Variants in TRAPPC6A observed in about 807,000 individuals in gnomAD.
TRAPPC6A encodes the protein trafficking protein particle complex subunit 6A.
Under a neutral mutation model 20.8 loss-of-function variants are expected in TRAPPC6A, and 25 were observed. The ratio of observed to expected loss-of-function variants is 1.20; its 90% confidence interval spans 0.88 to 1.68. The LOEUF is 1.68. Ranked by LOEUF, TRAPPC6A falls within the 40% of genes most tolerant of loss-of-function variation. TRAPPC6A has a pLI of 0.00. For synonymous variants in TRAPPC6A, 96 were observed against 93.3 expected (o/e 1.03, Z -0.16); for missense variants, 215 against 211.6 (o/e 1.02, Z -0.10).
chr19:45,165,142 T>C lies in TRAPPC6A; in HGVS notation c.137A>G (p.Gln46Arg). 6.2e-7 allele frequency: 1 copy of C among 1,611,466 alleles called. No homozygotes were observed. The highest frequency in any genetic ancestry group is 8.5e-7 in the Non-Finnish European group (1 of 1,178,928). ...CCGCGCTCACCTCTCGCCTAGAGCC[T>C]GGCCCACACGGAACCCCATACCCTC... is the stretch of plus-strand genomic sequence containing the variant. Reference protein sequence around the residue: ...VLEGMGFRVGQALGERLPRET... With the variant: ...VLEGMGFRVGRALGERLPRET... The change falls in exon 2 of 6, where the codon CAG becomes CGG. Residue 46 changes from glutamine (Q) to arginine (R), a missense_variant. Physicochemically the swap from Gln to Arg is conservative, Grantham distance 43. Transcript: ENST00000585934.
intron 1 of TRAPPC6A, among the ~76,000 whole-genome samples, chr19:45,165,708 G>A (rs73564235): frequency 0.014 from 2,187 of 152,298 alleles, 62 homozygotes; most frequent in African/African-American, 0.047. Flanking sequence ...TGGGGAACAC[G>A]TGGAAGCTCG....
At chr19:45,176,182 C>A (rs910101331) in intron 1 of TRAPPC6A, among the ~76,000 whole-genome samples, 1 of 151,976 alleles carries the variant, frequency 6.6e-6, no homozygotes, top group African/African-American at 2.4e-5. Flanking sequence ...CTTGGCCAGG[C>A]ACAGTGGCTC....
At chr19:45,171,521 G>GGAT (rs1325347190) in intron 1 of TRAPPC6A, among the ~76,000 whole-genome samples, 3 of 152,156 alleles carry the variant, frequency 2.0e-5, no homozygotes, top group Non-Finnish European at 4.4e-5. Context: ...CACACAGGAA[G>GGAT]GATCAATCAG....
intron 1 of TRAPPC6A, among the ~76,000 whole-genome samples, chr19:45,169,851 T>G (rs1346640907): frequency 2.6e-5 from 4 of 152,214 alleles, no homozygotes; most frequent in Non-Finnish European, 5.9e-5. Flanking sequence ...CAGGCTGCAC[T>G]CTGGTGGAAC....
At chr19:45,166,816 C>T (rs1969163953) in intron 1 of TRAPPC6A, among the ~76,000 whole-genome samples, 1 of 152,126 alleles carries the variant, frequency 6.6e-6, no homozygotes, top group Admixed American at 6.5e-5. Flanking sequence ...CTACCGCCTC[C>T]TCCCTCCAGG....
At chr19:45,164,099 T>G (rs572032409) in intron 4 of TRAPPC6A, 65 bp downstream of exon 4, 3 of 1,549,782 alleles carry the variant, frequency 1.9e-6, no homozygotes, top group African/African-American at 2.7e-5. Flanking sequence ...AAAGGCCTGA[T>G]GTGGGATGGG....
intron 1 of TRAPPC6A, among the ~76,000 whole-genome samples, chr19:45,170,015 G>A (rs549902889): frequency 2.0e-5 from 3 of 152,204 alleles, no homozygotes; most frequent in Non-Finnish European, 4.4e-5. Flanking sequence ...GAAGGGCTGG[G>A]AGACTGAGTG....
chr19:45,172,048 A>G lies in TRAPPC6A; in HGVS notation c.84+6087T>C, dbSNP rs543989126. On this transcript the variant is annotated intron_variant, in intron 1 of 5. Coordinates refer to ENST00000585934, the MANE Select transcript of TRAPPC6A (RefSeq NM_001270891.2). This position sits in a 1 kb window ranked among gnomAD's most constrained non-coding sequence, Gnocchi z 4.2. Reference sequence around the variant, plus strand: ...TCCTCCAAGGGCTTCTCCTCCTTAGAGAACAAAGGCCTTCCTGGCCCCTCT... The same window carrying G: ...TCCTCCAAGGGCTTCTCCTCCTTAGGGAACAAAGGCCTTCCTGGCCCCTCT... 6.6e-6 allele frequency among the ~76,000 whole-genome samples: 1 copy of G among 151,968 alleles called. No homozygotes were observed. Among genetic ancestry groups the G allele is most frequent in the Non-Finnish European group, 1.5e-5 (1 of 67,924 alleles).
intron 1 of TRAPPC6A, among the ~76,000 whole-genome samples, chr19:45,174,222 CT>C (rs1256144423): frequency 1.3e-5 from 2 of 152,136 alleles, no homozygotes; most frequent in Non-Finnish European, 2.9e-5. Context: ...GCCAACCTCT[CT>C]GGGTCATCAG....
chr19:45,177,188 C>T (rs921203738), intron 1 of TRAPPC6A, among the ~76,000 whole-genome samples: 13 of 112,818 alleles, frequency 1.2e-4, no homozygotes, highest in African/African-American at 4.0e-4. Context: ...GATGCGCGTG[C>T]GCGCACACAC....
intron 2 of TRAPPC6A, 24 bp from the exon 3 acceptor site, chr19:45,164,994 G>T (rs762906987): frequency 1.2e-6 from 2 of 1,612,596 alleles, no homozygotes; most frequent in East Asian, 4.5e-5. Context: ...ACCAAGCTGA[G>T]GCCGTGGGGC....
chr19:45,165,841 G>T (rs1353304230), intron 1 of TRAPPC6A, among the ~76,000 whole-genome samples: 3 of 152,164 alleles, frequency 2.0e-5, no homozygotes, highest in Admixed American at 6.5e-5. Context: ...CAGGTAGGAG[G>T]GCTGCACTCG....
intron 1 of TRAPPC6A, among the ~76,000 whole-genome samples, chr19:45,176,602 G>C (rs564479380): frequency 1.0e-3 from 153 of 152,326 alleles, no homozygotes; most frequent in African/African-American, 3.6e-3. Context: ...ACAGGTGCAA[G>C]TCGCCACATC....
At chr19:45,177,133 C>G (rs1274585152) in intron 1 of TRAPPC6A, among the ~76,000 whole-genome samples, 1 of 152,050 alleles carries the variant, frequency 6.6e-6, no homozygotes, top group Non-Finnish European at 1.5e-5. Flanking sequence ...AGCAGTGAGC[C>G]ATGACTGCAT....
chr19:45,176,142 G>A (rs983438948), intron 1 of TRAPPC6A, among the ~76,000 whole-genome samples: 1 of 152,006 alleles, frequency 6.6e-6, no homozygotes, highest in East Asian at 1.9e-4. Context: ...ATAGGCATGT[G>A]TCATCACGCC....
chr19:45,175,283 C>T (rs1230333564), intron 1 of TRAPPC6A, among the ~76,000 whole-genome samples: 21 of 142,708 alleles, frequency 1.5e-4, no homozygotes, highest in Admixed American at 3.6e-4. Flanking sequence ...AAAAATTAGC[C>T]GGGTGTGGTG....
rs1184831142 is a variant in TRAPPC6A, at chr19:45,163,428, C to A, written c.449-205G>T. 6.6e-6 allele frequency among the ~76,000 whole-genome samples: 1 copy of A among 152,156 alleles called. No homozygotes were observed. Among genetic ancestry groups the A allele is most frequent in the Non-Finnish European group, 1.5e-5 (1 of 68,016 alleles). On this transcript the variant is annotated intron_variant, in intron 5 of 5. Transcript: ENST00000585934. The surrounding 1 kb of genome is among the most constrained non-coding windows in gnomAD (Gnocchi z 5.3). ...CACGGATGTGGCCCCAGGGAAGCGC[C>A]CGGCACGGGCTTCTGTGGTATGCAT...
chr19:45,170,279 C>T (rs548000473), intron 1 of TRAPPC6A, among the ~76,000 whole-genome samples: 112 of 152,318 alleles, frequency 7.4e-4, no homozygotes, highest in African/African-American at 2.7e-3. Context: ...CTGGAGCTGG[C>T]GTTTCACCCG....
At chr19:45,178,031 G>T in intron 1 of TRAPPC6A, 104 bp downstream of exon 1, 1 of 1,573,110 alleles carries the variant, frequency 6.4e-7, no homozygotes, top group East Asian at 2.4e-5. Flanking sequence ...CTGCAAGGCC[G>T]GGGCTGGGCC....
Sources: gnomAD v4.1 joint callset for allele counts (sites outside exome capture counted in the v4.1 genomes callset) on GRCh38, gnomAD v4.1.1 for gene constraint, Gnocchi (gnomAD v3.1) non-coding constraint, MANE v1.5 for transcripts, NCBI Gene and HGNC (gene_info 2026-07-23, HGNC 2026-07-21) for gene names.